ATXN7L1: variants seen among roughly 807,000 people sequenced by gnomAD.
The protein encoded by ATXN7L1 is ataxin 7 like 1, also known as ataxin-7-like protein 1.
A neutral mutation model predicts 70.8 loss-of-function variants in ATXN7L1; 15 were observed. The observed-to-expected ratio is 0.21, with a 90% CI of 0.14 to 0.33. The LOEUF is 0.33. Ranked by LOEUF, ATXN7L1 falls within the 10% of genes least tolerant of loss-of-function variation. The pLI, the probability that ATXN7L1 is intolerant of heterozygous loss-of-function variation, is 1.00. For synonymous variants in ATXN7L1, 440 were observed against 445.1 expected (o/e 0.99, Z 0.14); for missense variants, 975 against 1,097.1 (o/e 0.89, Z 1.57).
chr7:105,680,581 C>A (rs940746669), intron 3 of ATXN7L1, among the ~76,000 whole-genome samples: 1 of 152,110 alleles, frequency 6.6e-6, no homozygotes, highest in Admixed American at 6.5e-5. Context: ...TCTGACCAGC[C>A]CTCGTTTTCA....
chr7:105,619,140 G>GTTTTTTTTTGTTTTTT (rs1794390291), intron 9 of ATXN7L1, among the ~76,000 whole-genome samples: 2 of 49,842 alleles, frequency 4.0e-5, no homozygotes, highest in Non-Finnish European at 6.6e-5. Flanking sequence ...GAAATCTTTA[G>GTTTTTTTTTGTTTTTT]TTTTTTTTTT....
rs1202216503 is a variant in ATXN7L1 at position 105,607,844 on chromosome 7, T to C, written c.*8A>G. Reference sequence around the variant, plus strand: ...TGGAATTGATGTGGAAGTGGCTTCATAGTCTTGTTATGGAAGAGTCCTTAT... The same window carrying C: ...TGGAATTGATGTGGAAGTGGCTTCACAGTCTTGTTATGGAAGAGTCCTTAT... On this transcript the variant is annotated 3_prime_UTR_variant, in exon 12 of 12. Transcript: ENST00000419735. 1.4e-5 allele frequency: 21 copies of C among 1,551,410 alleles called. No homozygotes were observed. Among genetic ancestry groups the C allele is most frequent in the African/African-American group, 2.7e-5 (2 of 73,030 alleles).
intron 4 of ATXN7L1, among the ~76,000 whole-genome samples, chr7:105,664,575 G>GTGTGTGTATA: frequency 7.6e-6 from 1 of 131,988 alleles, no homozygotes. Context: ...GTATGTGTGT[G>GTGTGTGTATA]TATATATATA....
chr7:105,818,354 AGGGAT>A (rs1177020019), intron 2 of ATXN7L1, among the ~76,000 whole-genome samples: 2 of 152,082 alleles, frequency 1.3e-5, no homozygotes, highest in Non-Finnish European at 2.9e-5. Context: ...TATTTTTTGT[AGGGAT>A]GGGGTTTTGC....
chr7:105,859,542 A>T (rs1196520990), intron 2 of ATXN7L1, among the ~76,000 whole-genome samples: 2 of 152,102 alleles, frequency 1.3e-5, no homozygotes, highest in Non-Finnish European at 2.9e-5. Flanking sequence ...CTGTTTAGAG[A>T]CACAAATGCT....
chr7:105,824,846 C>A, intron 2 of ATXN7L1, among the ~76,000 whole-genome samples: 1 of 150,496 alleles, frequency 6.6e-6, no homozygotes, highest in African/African-American at 2.4e-5. Flanking sequence ...ACCTGGTAGG[C>A]AGGGCTTGCA....
chr7:105,757,965 A>G (rs1484900129), intron 3 of ATXN7L1, among the ~76,000 whole-genome samples: 2 of 152,046 alleles, frequency 1.3e-5, no homozygotes, highest in East Asian at 1.9e-4. Flanking sequence ...TTTCAAGGCT[A>G]AGTACTTGTC....
chr7:105,811,953 C>A lies in ATXN7L1; in HGVS notation c.251-23245G>T, dbSNP rs57947646. Among the ~76,000 whole-genome samples, 5 of 152,286 alleles carry A rather than the reference C, an allele frequency of 3.3e-5. No homozygotes were observed. In the East Asian group the frequency reaches 9.7e-4, roughly 29 times the overall value. On this transcript the variant is annotated intron_variant, in intron 2 of 11. Coordinates refer to ENST00000419735, the MANE Select transcript of ATXN7L1 (RefSeq NM_020725.2). ...CTGAACAGACCACTCTCAACTGCCC[C>A]CATACCTTGTCTTCAGACAAATTGT...
At chr7:105,740,702 T>C (rs1274320673) in intron 3 of ATXN7L1, among the ~76,000 whole-genome samples, 1 of 151,794 alleles carries the variant, frequency 6.6e-6, no homozygotes, top group African/African-American at 2.4e-5. Context: ...CCTTAGCAGC[T>C]TGTTGTGAGG....
rs2115829871 is a variant in ATXN7L1, at chr7:105,627,364, A to G, written c.1203-3097T>C. On this transcript the variant is annotated intron_variant, in intron 7 of 11. Coordinates refer to ENST00000419735, the MANE Select transcript of ATXN7L1 (RefSeq NM_020725.2). ...ATCCACCCACCTCAACCTTGTGAGT[A>G]GCTGGGCTTATAGGCATGTGTCACA... Among the ~76,000 whole-genome samples the G allele has an allele frequency of 1.3e-5, 2 of 152,074 alleles. 1 individual carries two copies. The highest frequency in any genetic ancestry group is 1.3e-4 in the Admixed American group (2 of 15,246).
At chr7:105,812,062 C>T (rs1032482755) in intron 2 of ATXN7L1, among the ~76,000 whole-genome samples, 3 of 152,134 alleles carry the variant, frequency 2.0e-5, no homozygotes, top group Admixed American at 6.5e-5. Flanking sequence ...TTTGGACCAC[C>T]CCAGGCACAG....
At chr7:105,631,479 G>T (rs964204002) in intron 7 of ATXN7L1, among the ~76,000 whole-genome samples, 1 of 152,134 alleles carries the variant, frequency 6.6e-6, no homozygotes, top group Non-Finnish European at 1.5e-5. Flanking sequence ...CTGTACCCCA[G>T]TAAACTTTCT....
chr7:105,699,327 T>C (rs1220409813), intron 3 of ATXN7L1, among the ~76,000 whole-genome samples: 1 of 152,126 alleles, frequency 6.6e-6, no homozygotes, highest in Non-Finnish European at 1.5e-5. Flanking sequence ...AGGCAGGATT[T>C]TGCCGTGTTG....
At chr7:105,763,250 T>G (rs1004958442) in intron 3 of ATXN7L1, among the ~76,000 whole-genome samples, 1 of 152,200 alleles carries the variant, frequency 6.6e-6, no homozygotes, top group African/African-American at 2.4e-5. Flanking sequence ...TTTCATCTCT[T>G]CTCTCTTGAG....
chr7:105,803,570 C>T (rs78128484), intron 2 of ATXN7L1, among the ~76,000 whole-genome samples: 1,607 of 152,256 alleles, frequency 0.011, 15 homozygotes, highest in Non-Finnish European at 0.015. Flanking sequence ...GATAAGGCAG[C>T]GGGACAGGTT....
At chr7:105,794,528 C>T (rs1805713076) in intron 2 of ATXN7L1, among the ~76,000 whole-genome samples, 1 of 152,216 alleles carries the variant, frequency 6.6e-6, no homozygotes, top group Non-Finnish European at 1.5e-5. Context: ...CCCCTTCTAG[C>T]ATCACTGCTT....
chr7:105,865,404 C>CTTT (rs111371346), intron 2 of ATXN7L1, among the ~76,000 whole-genome samples: 2 of 145,090 alleles, frequency 1.4e-5, no homozygotes, highest in Admixed American at 6.9e-5. Context: ...ACCATTTTAA[C>CTTT]TTTTTTTTTT....
intron 2 of ATXN7L1, among the ~76,000 whole-genome samples, chr7:105,874,513 C>T (rs543806583): frequency 2.6e-5 from 4 of 152,316 alleles, no homozygotes; most frequent in East Asian, 1.9e-4. Context: ...ATCAATCCCT[C>T]GTGCATCCTG....
At chr7:105,744,735 C>CTTTTT (rs11465151) in intron 3 of ATXN7L1, among the ~76,000 whole-genome samples, 5 of 117,122 alleles carry the variant, frequency 4.3e-5, no homozygotes, top group Non-Finnish European at 5.1e-5. Flanking sequence ...TCTTTCTTTA[C>CTTTTT]TTTTTTTTTT....
Sources: gnomAD v4.1 joint callset for allele counts (sites outside exome capture counted in the v4.1 genomes callset) on GRCh38, gnomAD v4.1.1 for gene constraint, MANE v1.5 for transcripts, NCBI Gene and HGNC (gene_info 2026-07-23, HGNC 2026-07-21) for gene names.